Variants in ISG20 observed in about 807,000 individuals in gnomAD.
ISG20 encodes interferon-stimulated gene 20 kDa protein.
ISG20 carries 8 observed loss-of-function variants against 11.1 expected under a neutral mutation model. The observed-to-expected ratio is 0.72, with a 90% CI of 0.42 to 1.30. ISG20 has a LOEUF of 1.30. ISG20 is among the 50% of genes most tolerant of loss of function. ISG20 has a pLI of 0.01. For synonymous variants in ISG20, 110 were observed against 101.7 expected (o/e 1.08, Z -0.49); for missense variants, 243 against 250.2 (o/e 0.97, Z 0.19).
At chr15:88,645,769 C>T (rs1457076826) in intron 2 of ISG20, among the ~76,000 whole-genome samples, 2 of 152,190 alleles carry the variant, frequency 1.3e-5, no homozygotes, top group Admixed American at 1.3e-4. Flanking sequence ...TTACCCACTC[C>T]TGCCCACCAT....
At chr15:88,652,044 G>A (rs1384985232) in intron 2 of ISG20, 66 bp from the exon 3 acceptor site, 13 of 1,603,590 alleles carry the variant, frequency 8.1e-6, no homozygotes, top group Non-Finnish European at 1.1e-5. Flanking sequence ...TTGCTCCCTT[G>A]CCAGCCCCAG....
upstream of ISG20, chr15:88,638,648 G>A (rs905480945): frequency 2.0e-5 from 3 of 152,824 alleles, no homozygotes; most frequent in Non-Finnish European, 2.9e-5. Flanking sequence ...CTGGTAGCAG[G>A]CTCCAGAAGT....
At chr15:88,641,376 C>T (rs149023851) in intron 2 of ISG20, among the ~76,000 whole-genome samples, 52 of 152,232 alleles carry the variant, frequency 3.4e-4, no homozygotes, top group African/African-American at 1.1e-3. Context: ...CATAACAAAG[C>T]ACCACACACT....
Position 88,639,642 on chromosome 15 carries a change from C to A in ISG20, c.228+48C>A. ...GGGGCTTTGGAAATAACCCCTCTCCCACTTCCCTGGCCCCTCTTCCCTGGT... is the reference window on the plus strand; with the variant it reads ...GGGGCTTTGGAAATAACCCCTCTCCAACTTCCCTGGCCCCTCTTCCCTGGT... On this transcript the variant is annotated intron_variant, in intron 2 of 3. Transcript: ENST00000306072. This position sits in a 1 kb window ranked among gnomAD's most constrained non-coding sequence, Gnocchi z 4.2. 6.9e-7 allele frequency: 1 copy of A among 1,455,484 alleles called. No individual in the cohort carries two copies. Among genetic ancestry groups the A allele is most frequent in the South Asian group, 1.1e-5 (1 of 86,974 alleles). The allele number at this position is 1,455,484 out of a possible 1,614,324, so 90.2% of individuals were successfully genotyped here.
Position 88,639,608 on chromosome 15 carries a change from C to A in ISG20, c.228+14C>A, listed in dbSNP as rs10152473. 0.014 allele frequency: 21,651 copies of A among 1,602,898 alleles called. 2,057 individuals are homozygous for A. In the African/African-American group the frequency reaches 0.22, roughly 17 times the overall value. On this transcript the variant is annotated intron_variant, in intron 2 of 3. Coordinates refer to ENST00000306072, the MANE Select transcript of ISG20 (RefSeq NM_002201.6). The surrounding 1 kb of genome is among the most constrained non-coding windows in gnomAD (Gnocchi z 4.2). ...GCCAGGCTAGAGGTGAGTGAAGGCC[C>A]GGCCAGCAGGGGCTTTGGAAATAAC...
At chr15:88,647,234 G>A (rs1055362130) in intron 2 of ISG20, 1 of 149,148 alleles carries the variant, frequency 6.7e-6, no homozygotes, top group African/African-American at 2.6e-5. Flanking sequence ...ATGTGAGTGG[G>A]ACCCCCCCCC....
At chr15:88,653,919 A>G (rs2058330958) in intron 3 of ISG20, among the ~76,000 whole-genome samples, 2 of 152,214 alleles carry the variant, frequency 1.3e-5, no homozygotes, top group African/African-American at 4.8e-5. Flanking sequence ...AGACCCTGCC[A>G]TTTATGAAGC....
chr15:88,639,293 A>G lies in ISG20; in HGVS notation c.-24-50A>G, dbSNP rs891026727. ...GCTGGGGTTGGCTGAGGACACCTGG[A>G]GGCTTGGTTTGCCCAAGCGTGAGAC... is the stretch of plus-strand genomic sequence containing the variant. On this transcript the variant is annotated intron_variant, in intron 1 of 3. Coordinates refer to ENST00000306072, the MANE Select transcript of ISG20 (RefSeq NM_002201.6). This position sits in a 1 kb window ranked among gnomAD's most constrained non-coding sequence, Gnocchi z 4.2. The G allele has an allele frequency of 3.2e-5, 38 of 1,204,836 alleles. No homozygotes were observed. Among genetic ancestry groups the G allele is most frequent in the Non-Finnish European group, 4.2e-5 (36 of 858,694 alleles). 74.6% of individuals were successfully genotyped at this position (1,204,836 alleles called of 1,614,324 possible).
intron 3 of ISG20, 90 bp from the exon 4 acceptor site, chr15:88,655,325 G>C (rs2058356065): frequency 1.7e-6 from 2 of 1,205,686 alleles, no homozygotes; most frequent in Non-Finnish European, 1.2e-6. Flanking sequence ...TGGGGACTCT[G>C]GAAATCGGGA....
In ISG20 at chr15:88,639,497, G is replaced by A. The variant is rs762977706; in HGVS notation, c.131G>A (p.Arg44Gln). 9.3e-6 allele frequency: 15 copies of A among 1,614,080 alleles called. No homozygotes were observed. Among genetic ancestry groups the A allele is most frequent in the East Asian group, 6.7e-5 (3 of 44,884 alleles). Residue 44 changes from arginine to glutamine, a missense_variant, in exon 2 of 4, where the codon CGG (arginine) becomes CAG (glutamine). Coordinates refer to ENST00000306072, the MANE Select transcript of ISG20 (RefSeq NM_002201.6). The surrounding 1 kb of genome is among the most constrained non-coding windows in gnomAD (Gnocchi z 4.2). ...HGAVLYDKFI[R>Q]PEGEITDYRT... ...GCTGTGCTGTACGACAAGTTCATCC[G>A]GCCTGAGGGAGAGATCACCGATTAC...
chr15:88,639,548 C>T lies in ISG20; in HGVS notation c.182C>T (p.Pro61Leu), dbSNP rs371941091. The T allele has an allele frequency of 3.7e-6, 6 of 1,614,094 alleles. No individual in the cohort carries two copies. The highest frequency in any genetic ancestry group is 5.1e-6 in the Non-Finnish European group (6 of 1,180,048). Residue 61 changes from proline to leucine, a missense_variant, in exon 2 of 4, where the codon CCT (proline) becomes CTT (leucine). Coordinates refer to ENST00000306072, the MANE Select transcript of ISG20 (RefSeq NM_002201.6). This position sits in a 1 kb window ranked among gnomAD's most constrained non-coding sequence, Gnocchi z 4.2. ...AGAACCCGGGTCAGCGGGGTCACCC[C>T]TCAGCACATGGTGGGGGCCACACCA... ...DYRTRVSGVT[P>L]QHMVGATPFA...
At chr15:88,649,535 C>T (rs2058236348) in intron 2 of ISG20, 1 of 152,524 alleles carries the variant, frequency 6.6e-6, no homozygotes, top group Non-Finnish European at 1.5e-5. Context: ...CCACATTGTT[C>T]AGGAGCACAA....
At chr15:88,640,858 T>C (rs2058068679) in intron 2 of ISG20, among the ~76,000 whole-genome samples, 1 of 151,034 alleles carries the variant, frequency 6.6e-6, no homozygotes, top group Non-Finnish European at 1.5e-5. Context: ...TCACAGCTAC[T>C]CCAGCAGCTG....
chr15:88,636,572 A>G (rs961583118), upstream of ISG20, among the ~76,000 whole-genome samples: 36 of 152,184 alleles, frequency 2.4e-4, no homozygotes, highest in African/African-American at 8.2e-4. Flanking sequence ...TTTTAAAGAC[A>G]AGGTCTCCCT....
In ISG20 at chr15:88,644,239, G is replaced by A. The variant is rs181328744; in HGVS notation, c.228+4645G>A. On this transcript the variant is annotated intron_variant, in intron 2 of 3. Coordinates refer to ENST00000306072, the MANE Select transcript of ISG20 (RefSeq NM_002201.6). ...AGATGGGAGCGAGAAAAGAGATGACGGTAAGAGTCAGAGGCTGGGCATGGT... is the reference window on the plus strand; with the variant it reads ...AGATGGGAGCGAGAAAAGAGATGACAGTAAGAGTCAGAGGCTGGGCATGGT... Among the ~76,000 whole-genome samples the A allele has an allele frequency of 9.1e-4, 138 of 152,106 alleles. 1 individual carries two copies. Among genetic ancestry groups the A allele is most frequent in the Admixed American group, 2.6e-3 (39 of 15,286 alleles).
chr15:88,652,399 C>G (rs1443538444), intron 3 of ISG20, 89 bp downstream of exon 3: 1 of 147,156 alleles, frequency 6.8e-6, no homozygotes, highest in African/African-American at 1.7e-4. Flanking sequence ...CCCCTCCTCC[C>G]CCTCCTCCTC....
At chr15:88,645,374 A>G (rs761200348) in intron 2 of ISG20, among the ~76,000 whole-genome samples, 12 of 152,124 alleles carry the variant, frequency 7.9e-5, no homozygotes, top group Non-Finnish European at 1.6e-4. Flanking sequence ...AGAGAAGGGC[A>G]GAAACCCAGT....
At position 88,656,131 on chromosome 15, in the gene ISG20, A is replaced by T. The variant is rs1376298596; in HGVS notation, c.*600A>T. The stretch of plus-strand genomic sequence containing the variant: ...GTAGCTGTTTGACCTAAGGTGGTTT[A>T]CTGAACTTCTCAGTTTCTCCATCTG... On this transcript the variant is annotated 3_prime_UTR_variant, in exon 4 of 4. Coordinates refer to ENST00000306072, the MANE Select transcript of ISG20 (RefSeq NM_002201.6). 1 of 152,254 alleles carries T rather than the reference A, an allele frequency of 6.6e-6. No homozygotes were observed. Among genetic ancestry groups the T allele is most frequent in the Non-Finnish European group, 1.5e-5 (1 of 68,082 alleles). 9.4% of individuals were successfully genotyped at this position (152,254 alleles called of 1,614,324 possible). A position where few individuals can be genotyped will look rare whatever the true frequency, so the allele number is the denominator to read the frequency against.
chr15:88,650,644 G>A lies in ISG20; in HGVS notation c.229-1466G>A. Reference sequence around the variant, plus strand: ...AAGGCACCTTGAAGGCTGGGGGCTGGAACCATTGGAAGGTTTGCTCACCCA... The same window carrying A: ...AAGGCACCTTGAAGGCTGGGGGCTGAAACCATTGGAAGGTTTGCTCACCCA... On this transcript the variant is annotated intron_variant, in intron 2 of 3. Transcript: ENST00000306072. This position sits in a 1 kb window ranked among gnomAD's most constrained non-coding sequence, Gnocchi z 4.0. 2.8e-6 allele frequency: 1 copy of A among 356,572 alleles called. No individual in the cohort carries two copies. The highest frequency in any genetic ancestry group is 5.2e-6 in the Non-Finnish European group (1 of 194,022). 22.1% of individuals were successfully genotyped at this position (356,572 alleles called of 1,614,324 possible). A position where few individuals can be genotyped will look rare whatever the true frequency, so the allele number is the denominator to read the frequency against.
Sources: allele counts gnomAD v4.1 joint callset (sites outside exome capture counted in the v4.1 genomes callset), GRCh38; gene constraint gnomAD v4.1.1; non-coding constraint Gnocchi (gnomAD v3.1); transcripts MANE v1.5; gene names NCBI Gene and HGNC (gene_info 2026-07-23, HGNC 2026-07-21).